Variants in GLIS1 observed in about 807,000 individuals in gnomAD.
GLIS1 encodes the protein zinc finger protein GLIS1.
GLIS1 carries 24 observed loss-of-function variants against 63.8 expected under a neutral mutation model. That is an observed-to-expected ratio of 0.38 (90% CI 0.27 to 0.53). The LOEUF is 0.53. GLIS1 is among the 20% of genes least tolerant of loss of function. GLIS1 has a pLI of 0.85. For synonymous variants in GLIS1, 450 were observed against 482.5 expected (o/e 0.93, Z 0.88); for missense variants, 1,036 against 1,074.1 (o/e 0.96, Z 0.50).
chr1:53,684,774 C>T (rs1188750582), intron 2 of GLIS1, among the ~76,000 whole-genome samples: 1 of 152,212 alleles, frequency 6.6e-6, no homozygotes, highest in African/African-American at 2.4e-5. Flanking sequence ...CAGCAGGCTC[C>T]CAGCACCCCT....
At chr1:53,645,307 C>T (rs908806940) in intron 2 of GLIS1, among the ~76,000 whole-genome samples, 13 of 152,292 alleles carry the variant, frequency 8.5e-5, no homozygotes, top group African/African-American at 3.1e-4. Flanking sequence ...GTCTCCCTTC[C>T]CTGCTCATTT....
At chr1:53,575,475 T>G (rs535620718) in intron 4 of GLIS1, among the ~76,000 whole-genome samples, 1 of 152,298 alleles carries the variant, frequency 6.6e-6, no homozygotes, top group African/African-American at 2.4e-5. Context: ...TCCTGTCCTT[T>G]AGCACCTCGG....
chr1:53,721,681 G>A (rs1646757134), intron 2 of GLIS1, among the ~76,000 whole-genome samples: 1 of 152,092 alleles, frequency 6.6e-6, no homozygotes. Context: ...ACTATGTTTG[G>A]CATTATTTTG....
At chr1:53,571,398 T>C (rs1292858893) in intron 4 of GLIS1, among the ~76,000 whole-genome samples, 1 of 152,190 alleles carries the variant, frequency 6.6e-6, no homozygotes, top group African/African-American at 2.4e-5. Context: ...AAATGTTCCA[T>C]AGGTTCAAAA....
intron 2 of GLIS1, among the ~76,000 whole-genome samples, chr1:53,737,156 A>G (rs1646920206): frequency 6.6e-6 from 1 of 152,198 alleles, no homozygotes; most frequent in Non-Finnish European, 1.5e-5. Context: ...CATAAGCCAT[A>G]CTGGGACCCC....
At chr1:53,616,679 C>A (rs2141083) in intron 2 of GLIS1, among the ~76,000 whole-genome samples, 9 of 151,762 alleles carry the variant, frequency 5.9e-5, no homozygotes, top group African/African-American at 1.9e-4. Flanking sequence ...ATGAGAAGGA[C>A]TGGTAGCTCT....
intron 2 of GLIS1, among the ~76,000 whole-genome samples, chr1:53,684,689 T>C (rs1646311924): frequency 6.6e-6 from 1 of 152,188 alleles, no homozygotes; most frequent in African/African-American, 2.4e-5. Context: ...CATTCCCTTC[T>C]TCCCTGCCAT....
chr1:53,592,391 G>C (rs545175142), intron 4 of GLIS1, among the ~76,000 whole-genome samples: 7 of 152,296 alleles, frequency 4.6e-5, no homozygotes, highest in African/African-American at 1.7e-4. Flanking sequence ...TCTTGTCAAG[G>C]TTCCTTCGGG....
intron 2 of GLIS1, among the ~76,000 whole-genome samples, chr1:53,660,665 A>AAG (rs754849800): frequency 1.3e-5 from 2 of 152,112 alleles, no homozygotes; most frequent in Non-Finnish European, 2.9e-5. Flanking sequence ...GAGGAGGGAA[A>AAG]AGGCCAGCCC....
intron 2 of GLIS1, among the ~76,000 whole-genome samples, chr1:53,654,946 T>C (rs1645948606): frequency 6.6e-6 from 1 of 152,148 alleles, no homozygotes; most frequent in Non-Finnish European, 1.5e-5. Context: ...TGTTTTGGTT[T>C]GTAAAATGGT....
At chr1:53,721,616 C>T (rs1646756336) in intron 2 of GLIS1, among the ~76,000 whole-genome samples, 3 of 152,142 alleles carry the variant, frequency 2.0e-5, no homozygotes, top group Non-Finnish European at 4.4e-5. Context: ...CTCTGGAGTG[C>T]GACAGAGGAG....
At chr1:53,697,955 A>G (rs114003186) in intron 2 of GLIS1, among the ~76,000 whole-genome samples, 443 of 152,286 alleles carry the variant, frequency 2.9e-3, no homozygotes, top group Non-Finnish European at 4.5e-3. Flanking sequence ...GGATGGGGAC[A>G]GAGCAGGGTT....
At chr1:53,715,420 T>C (rs1355661676) in intron 2 of GLIS1, among the ~76,000 whole-genome samples, 2 of 151,938 alleles carry the variant, frequency 1.3e-5, no homozygotes, top group Non-Finnish European at 2.9e-5. Flanking sequence ...CAGAGTCATG[T>C]GGAGGACAAG....
intron 8 of GLIS1, 119 bp from the exon 9 acceptor site, chr1:53,510,146 T>C: frequency 4.3e-6 from 2 of 463,236 alleles, no homozygotes; most frequent in Non-Finnish European, 7.1e-6. Context: ...GCTGACCTGC[T>C]CCGACTTACA....
intron 4 of GLIS1, among the ~76,000 whole-genome samples, chr1:53,535,399 G>C (rs1462284299): frequency 6.6e-6 from 1 of 152,014 alleles, no homozygotes; most frequent in Admixed American, 6.5e-5. Context: ...CCAGGCACTG[G>C]GCTGGACCGG....
intron 2 of GLIS1, among the ~76,000 whole-genome samples, chr1:53,666,368 T>C (rs1646091187): frequency 6.6e-6 from 1 of 152,188 alleles, no homozygotes; most frequent in South Asian, 2.1e-4. Context: ...TCTGGCTGAC[T>C]CTGATGCCTG....
intron 2 of GLIS1, among the ~76,000 whole-genome samples, chr1:53,619,637 G>C (rs1173169865): frequency 6.6e-6 from 1 of 152,224 alleles, no homozygotes; most frequent in Non-Finnish European, 1.5e-5. Flanking sequence ...CAGGGCTGGT[G>C]ATTCCAGACT....
At chr1:53,738,891 A>G (rs1208428489) in intron 1 of GLIS1, among the ~76,000 whole-genome samples, 1 of 152,028 alleles carries the variant, frequency 6.6e-6, no homozygotes, top group Non-Finnish European at 1.5e-5. Flanking sequence ...GCACAACCAC[A>G]CAGTCCCACG....
chr1:53,632,205 ATGAC>A (rs532746617), intron 2 of GLIS1, among the ~76,000 whole-genome samples: 372 of 136,032 alleles, frequency 2.7e-3, no homozygotes, highest in African/African-American at 0.01. Context: ...GGGCAAGTGA[ATGAC>A]TGAAGGGCGT....
Sources: allele counts gnomAD v4.1 joint callset (sites outside exome capture counted in the v4.1 genomes callset), GRCh38; gene constraint gnomAD v4.1.1; transcripts MANE v1.5; gene names NCBI Gene and HGNC (gene_info 2026-07-23, HGNC 2026-07-21).